PUS7: variants seen among roughly 807,000 people sequenced by gnomAD.
The protein encoded by PUS7 is pseudouridine synthase 7.
PUS7 carries 48 observed loss-of-function variants against 79.8 expected under a neutral mutation model. That is an observed-to-expected ratio of 0.60 (90% confidence interval 0.48 to 0.76). The LOEUF (loss-of-function observed/expected upper bound fraction) is 0.76, where lower values mean the gene tolerates loss of function less well. Among genes scored for constraint, PUS7 ranks in the 30% least tolerant of loss-of-function variants. The probability of loss-of-function intolerance (pLI) is 0.00; values close to 1 mark genes in which losing one functional copy is unlikely to be tolerated. For missense variants in PUS7, 729 were observed against 797.6 expected, an observed-to-expected ratio of 0.91 and a Z score of 1.04; for synonymous variants, 286 against 272.2, an observed-to-expected ratio of 1.05 and a Z score of -0.50.
At chr7:105,474,808 A>T (rs1281493502) in intron 9 of PUS7, among the ~76,000 whole-genome samples, 1 of 151,918 alleles carries the variant, frequency 6.6e-6, no homozygotes, top group Non-Finnish European at 1.5e-5. Flanking sequence ...AAACAAAAAA[A>T]CCTTTGTTAA....
rs1257945196 is a variant in PUS7 at position 105,522,214 on chromosome 7, G to A, written c.-195C>T. On this transcript the variant is annotated 5_prime_UTR_variant, in exon 1 of 16. Transcript: ENST00000469408. ...GCGGAGGACCAGATGCGCTCCAGCC[G>A]ACTCACCGGCGGCCGGGCTCGCACA... The A allele has an allele frequency of 2.0e-5, 3 of 151,848 alleles. No individual in the cohort carries two copies. The highest frequency in any genetic ancestry group is 2.9e-5 in the Non-Finnish European group (2 of 67,942). The allele number at this position is 151,848 out of a possible 1,614,324, so 9.4% of individuals were successfully genotyped here. A position where few individuals can be genotyped will look rare whatever the true frequency, so the allele number is the denominator to read the frequency against.
intron 9 of PUS7, among the ~76,000 whole-genome samples, chr7:105,476,340 G>T (rs1335319652): frequency 6.6e-6 from 1 of 151,864 alleles, no homozygotes; most frequent in Non-Finnish European, 1.5e-5. Context: ...AAGTGGAATT[G>T]CTGGTTCATA....
At chr7:105,507,910 CA>C (rs927346573) in intron 2 of PUS7, among the ~76,000 whole-genome samples, 12 of 151,144 alleles carry the variant, frequency 7.9e-5, no homozygotes, top group South Asian at 4.2e-4. Context: ...GACCCTCTCT[CA>C]AAAAAAGGGA....
chr7:105,465,749 CT>C (rs1373307271), intron 12 of PUS7, among the ~76,000 whole-genome samples: 3 of 152,188 alleles, frequency 2.0e-5, no homozygotes, highest in Non-Finnish European at 4.4e-5. Flanking sequence ...AGGAGAATTG[CT>C]TGAACCCGGG....
intron 9 of PUS7, 131 bp from the exon 10 acceptor site, chr7:105,472,324 G>A (rs1033476234): frequency 2.4e-5 from 14 of 572,646 alleles, no homozygotes; most frequent in Admixed American, 1.9e-4. Flanking sequence ...TCTACTCCCA[G>A]GCTCTAGTCT....
At chr7:105,506,143 G>C (rs1030382717) in intron 3 of PUS7, 46 bp downstream of exon 3, 13 of 1,443,936 alleles carry the variant, frequency 9.0e-6, no homozygotes, top group Admixed American at 2.3e-5. Flanking sequence ...TCTAGGAAAT[G>C]CTATTTTTAT....
chr7:105,490,786 T>C (rs556148767), intron 7 of PUS7, among the ~76,000 whole-genome samples: 1 of 152,334 alleles, frequency 6.6e-6, no homozygotes, highest in South Asian at 2.1e-4. Context: ...TACTCATCCT[T>C]CTAGAATCTA....
chr7:105,497,856 T>G (rs558434226), intron 5 of PUS7, among the ~76,000 whole-genome samples: 1 of 152,212 alleles, frequency 6.6e-6, no homozygotes, highest in Non-Finnish European at 1.5e-5. Context: ...TATGGGTACA[T>G]AGGTTCCATA....
At chr7:105,496,965 C>A in intron 5 of PUS7, 1 of 1,221,236 alleles carries the variant, frequency 8.2e-7, no homozygotes, top group Non-Finnish European at 1.1e-6. Context: ...TGCTGCAGTT[C>A]TGACCTCTGT....
chr7:105,514,134 G>C (rs1264616647), intron 1 of PUS7, among the ~76,000 whole-genome samples: 1 of 139,064 alleles, frequency 7.2e-6, no homozygotes, highest in Admixed American at 7.3e-5. Flanking sequence ...GGGAGGCTGA[G>C]GCAGGAGAAT....
In PUS7 at chr7:105,470,771, G is replaced by T; in HGVS notation, c.1315C>A (p.Pro439Thr). Residue 439 changes from proline (P) to threonine (T), a missense_variant, in exon 11 of 16, where the codon CCT (proline) becomes ACT (threonine). Coordinates refer to ENST00000469408, the MANE Select transcript of PUS7 (RefSeq NM_019042.5). ...KDPTAALRKL[P>T]VKRCVEGQLL... The stretch of plus-strand genomic sequence containing the variant: ...TGCCCTTCCACACACCTTTTGACAG[G>T]TAGTTTTCTGAGGGCAGCAGTTGGG... 1 of 1,612,636 alleles carries T rather than the reference G, an allele frequency of 6.2e-7. No individual in the cohort carries two copies. The highest frequency in any genetic ancestry group is 8.5e-7 in the Non-Finnish European group (1 of 1,178,798).
chr7:105,466,668 C>T (rs1292447671), intron 12 of PUS7, among the ~76,000 whole-genome samples: 2 of 149,652 alleles, frequency 1.3e-5, no homozygotes, highest in African/African-American at 4.9e-5. Flanking sequence ...TAAAGTAACA[C>T]AAGAAAACAC....
At chr7:105,477,022 G>A (rs961564174) in intron 9 of PUS7, among the ~76,000 whole-genome samples, 2 of 152,016 alleles carry the variant, frequency 1.3e-5, no homozygotes, top group African/African-American at 4.8e-5. Context: ...CCTATTCTGT[G>A]GGTTATCTTT....
intron 14 of PUS7, 43 bp from the exon 15 acceptor site, chr7:105,459,302 C>T: frequency 1.5e-6 from 2 of 1,335,114 alleles, no homozygotes; most frequent in Non-Finnish European, 2.1e-6. Context: ...TGTGAACTTT[C>T]ATAAAAGGTA....
chr7:105,476,123 CAAAAAAAAA>C (rs958626613), intron 9 of PUS7, among the ~76,000 whole-genome samples: 3 of 39,184 alleles, frequency 7.7e-5, no homozygotes, highest in East Asian at 1.0e-3. Flanking sequence ...GACTCCGTCT[CAAAAAAAAA>C]AAAAAAAAAA....
intron 6 of PUS7, among the ~76,000 whole-genome samples, chr7:105,493,661 A>C (rs1824887932): frequency 6.6e-6 from 1 of 152,190 alleles, no homozygotes; most frequent in Non-Finnish European, 1.5e-5. Context: ...GCACTAATCC[A>C]ATCTGACTGG....
intron 6 of PUS7, among the ~76,000 whole-genome samples, chr7:105,494,693 C>A (rs1168577319): frequency 1.3e-5 from 2 of 151,970 alleles, no homozygotes; most frequent in Non-Finnish European, 2.9e-5. Context: ...CAGGTGTGAG[C>A]CACTGCGCCA....
intron 6 of PUS7, among the ~76,000 whole-genome samples, 161 bp downstream of exon 6, chr7:105,494,973 TAAAAAAAA>T (rs1200372702): frequency 1.2e-5 from 1 of 85,880 alleles, no homozygotes; most frequent in Non-Finnish European, 2.4e-5. Flanking sequence ...TGAGACTGTC[TAAAAAAAA>T]AAAAAAAAAA....
intron 9 of PUS7, among the ~76,000 whole-genome samples, chr7:105,480,774 C>G (rs1824288692): frequency 6.6e-6 from 1 of 151,744 alleles, no homozygotes; most frequent in African/African-American, 2.4e-5. Context: ...GAAACTCTGT[C>G]TCAGAAAAAA....
Sources: allele counts gnomAD v4.1 joint callset (sites outside exome capture counted in the v4.1 genomes callset), GRCh38; gene constraint gnomAD v4.1.1; transcripts MANE v1.5; gene names NCBI Gene and HGNC (gene_info 2026-07-23, HGNC 2026-07-21).